The following AARS1 variants were observed in gnomAD, a reference collection of about 807,000 sequenced individuals.
AARS1 encodes alanyl-tRNA synthetase 1, also known as alanine--tRNA ligase, cytoplasmic.
A neutral mutation model predicts 108.9 loss-of-function variants in AARS1; 72 were observed. The ratio of observed to expected loss-of-function variants is 0.66; its 90% CI spans 0.55 to 0.80. The LOEUF is 0.80. AARS1 is among the 30% of genes least tolerant of loss of function. The pLI, the probability that AARS1 is intolerant of heterozygous loss-of-function variation, is 0.00. For missense variants in AARS1, 1,193 were observed against 1,233.2 expected, an observed-to-expected ratio of 0.97 and a Z score of 0.49; for synonymous variants, 489 against 465.7, an observed-to-expected ratio of 1.05 and a Z score of -0.64.
At position 70,258,140 on chromosome 16, in the gene AARS1, A is replaced by G. The variant is rs754266971; in HGVS notation, c.2070T>C (p.Tyr690=). The G allele has an allele frequency of 2.5e-6, 4 of 1,612,706 alleles. No individual in the cohort carries two copies. In the Admixed American group the frequency reaches 6.7e-5, roughly 27 times the overall value. Residue 690 remains tyrosine, a synonymous_variant, in exon 15 of 21, where the codon TAT becomes TAC. Coordinates refer to ENST00000261772, the MANE Select transcript of AARS1 (RefSeq NM_001605.3). The part of the protein sequence containing the change: ...QGLRAVFDET[Y]PDPVRVVSIG... ...TGGAGACGACTCGCACAGGGTCAGG[A>G]TAGGTCTCATCAAACACAGCCCGTA...
chr16:70,274,327 G>C (rs1273667889), intron 4 of AARS1, among the ~76,000 whole-genome samples: 1 of 151,544 alleles, frequency 6.6e-6, no homozygotes, highest in Non-Finnish European at 1.5e-5. Flanking sequence ...GGCAACAAGA[G>C]CGAAACTCCA....
intron 2 of AARS1, among the ~76,000 whole-genome samples, chr16:70,278,430 T>C (rs1960605857): frequency 6.6e-6 from 1 of 151,634 alleles, no homozygotes; most frequent in Admixed American, 6.6e-5. Context: ...CCAGCCATGG[T>C]GGTGCACGCC....
intron 9 of AARS1, among the ~76,000 whole-genome samples, chr16:70,267,103 T>G (rs976143654): frequency 1.3e-5 from 2 of 152,220 alleles, no homozygotes; most frequent in Non-Finnish European, 2.9e-5. Context: ...CCCAAAGTGC[T>G]AGGATTACAG....
At chr16:70,274,777 C>T (rs1012365248) in intron 4 of AARS1, among the ~76,000 whole-genome samples, 1 of 151,896 alleles carries the variant, frequency 6.6e-6, no homozygotes, top group Non-Finnish European at 1.5e-5. Flanking sequence ...TACACACATA[C>T]ACACAAGGTT....
chr16:70,262,419 C>T lies in AARS1; in HGVS notation c.1598G>A (p.Cys533Tyr). 1.9e-6 allele frequency: 3 copies of T among 1,614,230 alleles called. No homozygotes were observed. The highest frequency in any genetic ancestry group is 1.1e-5 in the South Asian group (1 of 91,088). The change falls in exon 12 of 21, where the codon TGT becomes TAT. Residue 533 changes from cysteine (C) to tyrosine (Y), a missense_variant. Coordinates refer to ENST00000261772, the MANE Select transcript of AARS1 (RefSeq NM_001605.3). ...QECGVVLDKT[C>Y]FYAEQGGQIY... ...CTGGCCTCCTTGCTCAGCATAGAAA[C>T]AGGTCTTGTCCAGCACCACTCCACA...
In AARS1 at chr16:70,259,048, C is replaced by T. The variant is rs774810867; in HGVS notation, c.1924G>A (p.Gly642Arg). ...DRLRFDFTAK[G>R]AMSTQQIKKA... Reference sequence around the variant, plus strand: ...TTGATCTGTTGGGTGGACATGGCTCCCTTGGCAGTAAAGTCAAATCTGAGG... The same window carrying T: ...TTGATCTGTTGGGTGGACATGGCTCTCTTGGCAGTAAAGTCAAATCTGAGG... The change falls in exon 14 of 21, where the codon GGA (glycine) becomes AGA (arginine). Residue 642 changes from glycine to arginine, a missense_variant. Gly to Arg is a moderately radical substitution (Grantham distance 125). Transcript: ENST00000261772. 1.2e-6 allele frequency: 2 copies of T among 1,614,006 alleles called. No homozygotes were observed. The highest frequency in any genetic ancestry group is 4.5e-5 in the East Asian group (2 of 44,896).
chr16:70,265,935 T>G (rs1421279296), intron 9 of AARS1, among the ~76,000 whole-genome samples: 2 of 152,202 alleles, frequency 1.3e-5, no homozygotes, highest in Non-Finnish European at 2.9e-5. Context: ...TCCCAGCACT[T>G]TGAGAGGCCG....
intron 9 of AARS1, among the ~76,000 whole-genome samples, chr16:70,267,409 A>T (rs953490123): frequency 6.6e-6 from 1 of 152,210 alleles, no homozygotes; most frequent in Admixed American, 6.6e-5. Flanking sequence ...CCCTCTGAGA[A>T]ATGAGTGTGG....
Position 70,271,876 on chromosome 16 carries a change from G to C in AARS1, c.576C>G (p.Tyr192Ter). The C allele has an allele frequency of 6.2e-7, 1 of 1,613,998 alleles. No individual in the cohort carries two copies. The highest frequency in any genetic ancestry group is 8.5e-7 in the Non-Finnish European group (1 of 1,179,934). ...CGGCGTCCCGACCACCAATCCGGTC[G>C]TAGTGGATCTCACTGCAAGGACCAC... ...GPCGPCSEIH[Y>*]DRIGGRDAAH... is the part of the protein sequence containing the mutation. The change falls in exon 5 of 21, where the codon TAC (tyrosine) becomes TAG (stop). Residue 192 changes from tyrosine to a stop codon, truncating the protein, a stop_gained. Transcript: ENST00000261772. LOFTEE classifies it high-confidence loss of function.
chr16:70,279,729 C>T (rs1012348309), intron 2 of AARS1, among the ~76,000 whole-genome samples: 11 of 150,872 alleles, frequency 7.3e-5, no homozygotes, highest in African/African-American at 1.9e-4. Flanking sequence ...CTTGTTCAGG[C>T]GGCTCATGTG....
chr16:70,268,601 T>G (rs563457653), intron 7 of AARS1, among the ~76,000 whole-genome samples: 8 of 152,186 alleles, frequency 5.3e-5, no homozygotes, highest in Non-Finnish European at 1.2e-4. Context: ...TTGTTTTCCT[T>G]TCACATTCAG....
intron 4 of AARS1, among the ~76,000 whole-genome samples, chr16:70,272,690 C>T (rs571293244): frequency 1.3e-5 from 2 of 151,480 alleles, no homozygotes; most frequent in South Asian, 2.1e-4. Flanking sequence ...ACGCTGGCCA[C>T]GCGCATTGCT....
At position 70,254,015 on chromosome 16, in the gene AARS1, G is replaced by A. The variant is rs749139777; in HGVS notation, c.2424C>T (p.Pro808=). 5 of 1,614,078 alleles carry A rather than the reference G, an allele frequency of 3.1e-6. No individual in the cohort carries two copies. The highest frequency in any genetic ancestry group is 4.2e-6 in the Non-Finnish European group (5 of 1,180,014). The part of the protein sequence containing the change: ...LGEALATAVI[P]QWQKDELRET... ...CCCGCAATTCATCCTTCTGCCACTG[G>A]GGGATGACTGCAGTGGCCAGGGCCT... Residue 808 remains proline (P), a synonymous_variant, in exon 18 of 21, where the codon CCC becomes CCT. Transcript: ENST00000261772.
chr16:70,262,556 G>C, intron 11 of AARS1, 32 bp from the exon 12 acceptor site: 3 of 1,589,612 alleles, frequency 1.9e-6, no homozygotes, highest in Non-Finnish European at 2.6e-6. Context: ...AAAGGGGACA[G>C]TGGGGTCAAT....
At chr16:70,276,306 G>A (rs904376772) in intron 4 of AARS1, 180 bp downstream of exon 4, 7 of 644,762 alleles carry the variant, frequency 1.1e-5, no homozygotes, top group African/African-American at 1.1e-4. Context: ...GTGATCTCAG[G>A]TCACTGCAAC....
chr16:70,258,896 AGAGT>A, intron 14 of AARS1, 80 bp downstream of exon 14: 1 of 606,390 alleles, frequency 1.6e-6, no homozygotes, highest in Admixed American at 3.6e-5. Context: ...CTGATACAAC[AGAGT>A]GAGAGCACCG....
rs920455151 is a variant in AARS1 at position 70,265,541 on chromosome 16, G to A, written c.1344C>T (p.Ala448=). Reference sequence around the variant, plus strand: ...GTTCACTCTCCAAGTTCTTTACCTGGGCCAGTTTCCTCTCCTCTTCAAAGC... The same window carrying A: ...GTTCACTCTCCAAGTTCTTTACCTGAGCCAGTTTCCTCTCCTCTTCAAAGC... ...MDGFEEERKL[A]QLKSQGKGAG... Residue 448 remains alanine (A), a synonymous_variant, in exon 10 of 21, where the codon GCC becomes GCT. Transcript: ENST00000261772. The A allele has an allele frequency of 2.9e-5, 47 of 1,613,638 alleles. No individual in the cohort carries two copies. Among genetic ancestry groups the A allele is most frequent in the Middle Eastern group, 1.6e-4 (1 of 6,072 alleles).
chr16:70,272,449 T>A (rs1396412524), intron 4 of AARS1, among the ~76,000 whole-genome samples: 1 of 126,534 alleles, frequency 7.9e-6, no homozygotes, highest in Non-Finnish European at 1.5e-5. Context: ...GAGGCTGCGA[T>A]GAGCCGGGAT....
intron 17 of AARS1, 122 bp downstream of exon 17, chr16:70,254,499 A>C: frequency 2.7e-6 from 2 of 743,832 alleles, no homozygotes; most frequent in Non-Finnish European, 4.8e-6. Context: ...GGACAACAGA[A>C]GTCAGCCCAA....
Sources: allele counts gnomAD v4.1 joint callset (sites outside exome capture counted in the v4.1 genomes callset), GRCh38; gene constraint gnomAD v4.1.1; transcripts MANE v1.5; gene names NCBI Gene and HGNC (gene_info 2026-07-23, HGNC 2026-07-21).